CORO1C: variants seen among roughly 807,000 people sequenced by gnomAD.
CORO1C encodes the protein coronin-1C.
In CORO1C, 14 loss-of-function variants were observed where a neutral mutation model predicts 51.2. The ratio of observed to expected loss-of-function variants is 0.27; its 90% confidence interval spans 0.18 to 0.43. The LOEUF is 0.43. Among genes scored for constraint, CORO1C ranks in the 20% least tolerant of loss-of-function variants. CORO1C has a pLI of 1.00. For synonymous variants in CORO1C, 181 were observed against 210.5 expected (o/e 0.86, Z 1.21); for missense variants, 417 against 607.8 (o/e 0.69, Z 3.30).
chr12:108,708,115 T>C (rs544878022), intron 1 of CORO1C, among the ~76,000 whole-genome samples: 21 of 152,256 alleles, frequency 1.4e-4, no homozygotes, highest in Non-Finnish European at 2.5e-4. Flanking sequence ...GACCCAGCAA[T>C]CCACTCCTAG....
At chr12:108,696,955 T>G (rs1565927245) in intron 2 of CORO1C, among the ~76,000 whole-genome samples, 1 of 152,228 alleles carries the variant, frequency 6.6e-6, no homozygotes, top group South Asian at 2.1e-4. Flanking sequence ...TAAGCATACA[T>G]TCATTCTTAA....
intron 1 of CORO1C, among the ~76,000 whole-genome samples, chr12:108,704,309 T>TA (rs1406545473): frequency 4.6e-5 from 7 of 152,008 alleles, no homozygotes; most frequent in Non-Finnish European, 1.0e-4. Flanking sequence ...CCATCTCTAC[T>TA]AAAAATACAA....
rs2032334856 is a variant in CORO1C, at chr12:108,645,866, G to C, written c.*1537C>G. The C allele has an allele frequency of 6.6e-6, 1 of 152,170 alleles. No homozygotes were observed. Among genetic ancestry groups the C allele is most frequent in the Admixed American group, 6.5e-5 (1 of 15,276 alleles). The allele number at this position is 152,170 out of a possible 1,614,324, so 9.4% of individuals were successfully genotyped here. On this transcript the variant is annotated 3_prime_UTR_variant, in exon 11 of 11. Transcript: ENST00000261401. ...TCACAGACAGCCCTTCCAAAACAGA[G>C]GCTCCTTAAATCTTGTTTCCCAAGC...
chr12:108,689,044 A>AG (rs1428263953), intron 2 of CORO1C, among the ~76,000 whole-genome samples: 3 of 151,140 alleles, frequency 2.0e-5, no homozygotes, highest in Admixed American at 6.6e-5. Flanking sequence ...AAAAAAAAAA[A>AG]AAAAAATTAG....
chr12:108,694,219 C>G (rs956869380), intron 2 of CORO1C, among the ~76,000 whole-genome samples: 17 of 137,160 alleles, frequency 1.2e-4, no homozygotes, highest in Non-Finnish European at 4.6e-5. Flanking sequence ...GAGGTGGAGG[C>G]TGCAGTGAGT....
chr12:108,679,868 T>TA (rs2034062097), intron 2 of CORO1C, among the ~76,000 whole-genome samples: 1 of 152,246 alleles, frequency 6.6e-6, no homozygotes, highest in South Asian at 2.1e-4. Context: ...TTAACAATGA[T>TA]ACTTATTAAC....
intron 1 of CORO1C, among the ~76,000 whole-genome samples, chr12:108,723,067 C>T (rs1460734271): frequency 6.6e-6 from 1 of 152,200 alleles, no homozygotes; most frequent in Non-Finnish European, 1.5e-5. Flanking sequence ...GTGGCCAGCC[C>T]TCATTGGCTC....
intron 3 of CORO1C, among the ~76,000 whole-genome samples, chr12:108,666,091 A>C (rs868697419): frequency 1.3e-5 from 2 of 152,358 alleles, no homozygotes; most frequent in Middle Eastern, 3.4e-3. Flanking sequence ...GGGCTCCCTG[A>C]GGAGGTGACC....
intron 1 of CORO1C, among the ~76,000 whole-genome samples, chr12:108,715,201 T>C (rs1171851532): frequency 2.0e-5 from 3 of 152,044 alleles, no homozygotes; most frequent in African/African-American, 7.3e-5. Flanking sequence ...ACCACTGAAC[T>C]TGATACCAAA....
At chr12:108,692,549 T>G (rs1368947570) in intron 2 of CORO1C, among the ~76,000 whole-genome samples, 1 of 152,214 alleles carries the variant, frequency 6.6e-6, no homozygotes. Context: ...AAGTAGCCCA[T>G]GAAAGAAGGC....
intron 3 of CORO1C, among the ~76,000 whole-genome samples, chr12:108,666,716 T>C (rs1023074107): frequency 8.5e-5 from 13 of 152,198 alleles, no homozygotes; most frequent in Admixed American, 2.6e-4. Context: ...GGGACACTAA[T>C]TGGTCATGTT....
intron 8 of CORO1C, among the ~76,000 whole-genome samples, chr12:108,650,267 T>G (rs2032586521): frequency 6.8e-6 from 1 of 147,586 alleles, no homozygotes; most frequent in South Asian, 2.2e-4. Context: ...CATTGAGGTC[T>G]TGACCTCCTG....
chr12:108,681,133 T>C (rs1012916031), intron 2 of CORO1C, among the ~76,000 whole-genome samples: 2 of 152,188 alleles, frequency 1.3e-5, no homozygotes, highest in Non-Finnish European at 2.9e-5. Flanking sequence ...CCTACATAGC[T>C]GGAACTATAG....
At chr12:108,651,237 A>T (rs1347814498) in intron 8 of CORO1C, among the ~76,000 whole-genome samples, 1 of 152,242 alleles carries the variant, frequency 6.6e-6, no homozygotes, top group African/African-American at 2.4e-5. Context: ...AAGCGTTTTA[A>T]AAGTCCACAT....
intron 1 of CORO1C, chr12:108,730,112 G>A (rs2035683793): frequency 1.3e-5 from 2 of 152,338 alleles, no homozygotes; most frequent in South Asian, 4.1e-4. Flanking sequence ...CTTTTCAAAT[G>A]TCTTATAGGA....
intron 6 of CORO1C, among the ~76,000 whole-genome samples, chr12:108,656,764 C>G (rs1030481166): frequency 7.9e-5 from 12 of 152,226 alleles, no homozygotes; most frequent in Non-Finnish European, 1.0e-4. Context: ...ACCCTGTGCT[C>G]TCTGAAACAT....
intron 1 of CORO1C, among the ~76,000 whole-genome samples, chr12:108,706,939 C>T (rs2035047909): frequency 6.6e-6 from 1 of 152,058 alleles, no homozygotes; most frequent in African/African-American, 2.4e-5. Flanking sequence ...AAAACAATTC[C>T]ACTCACAATA....
chr12:108,711,963 T>C (rs1165433905), intron 1 of CORO1C, among the ~76,000 whole-genome samples: 1 of 152,138 alleles, frequency 6.6e-6, no homozygotes, highest in Non-Finnish European at 1.5e-5. Flanking sequence ...TAGGAACACA[T>C]ACAGGAAAAC....
chr12:108,722,453 G>A (rs2035494498), intron 1 of CORO1C, among the ~76,000 whole-genome samples: 2 of 152,174 alleles, frequency 1.3e-5, no homozygotes, highest in African/African-American at 4.8e-5. Context: ...AGCCTGCACA[G>A]GGAGGCTCCT....
Sources: gnomAD v4.1 joint callset for allele counts (sites outside exome capture counted in the v4.1 genomes callset) on GRCh38, gnomAD v4.1.1 for gene constraint, MANE v1.5 for transcripts, NCBI Gene and HGNC (gene_info 2026-07-23, HGNC 2026-07-21) for gene names.